ELL: variants seen among roughly 807,000 people sequenced by gnomAD.
ELL encodes RNA polymerase II elongation factor ELL.
In ELL, 18 loss-of-function variants were observed where a neutral mutation model predicts 64.0. The observed-to-expected ratio is 0.28, with a 90% CI of 0.19 to 0.42. The LOEUF is 0.42. Ranked by LOEUF, ELL falls within the 10% of genes least tolerant of loss-of-function variation. The probability of loss-of-function intolerance (pLI) is 1.00; values close to 1 mark genes in which losing one functional copy is unlikely to be tolerated. For synonymous variants in ELL, 399 were observed against 376.2 expected (o/e 1.06, Z -0.70); for missense variants, 797 against 870.4 (o/e 0.92, Z 1.06).
intron 8 of ELL, chr19:18,448,401 T>C (rs1974459561): frequency 6.6e-6 from 1 of 152,130 alleles, no homozygotes; most frequent in South Asian, 2.1e-4. Flanking sequence ...CCCCACAAAG[T>C]TTCTAACACT....
chr19:18,521,833 C>T, intron 1 of ELL, 88 bp downstream of exon 1: 1 of 1,483,862 alleles, frequency 6.7e-7, no homozygotes, highest in Non-Finnish European at 9.0e-7. Context: ...CCTAGCGTCT[C>T]CGAGCCCGGA....
In ELL at chr19:18,457,370, CTG is replaced by C. The variant is rs1443368327; in HGVS notation, c.869+833_869+834del. On this transcript the variant is annotated intron_variant, in intron 6 of 11. Coordinates refer to ENST00000262809, the MANE Select transcript of ELL (RefSeq NM_006532.4). ...GATGGGGGCGGGTCTTCTGCCAAGA[CTG>C]TGCCCTCCGCCAGCCTGCCGCCAAG... Among the ~76,000 whole-genome samples the C allele has an allele frequency of 5.3e-5, 8 of 152,312 alleles. No homozygotes were observed. The South Asian group carries it at 1.0e-3, about 20-fold the overall frequency.
At chr19:18,471,267 T>G in intron 2 of ELL, 1 of 367,372 alleles carries the variant, frequency 2.7e-6, no homozygotes, top group Non-Finnish European at 5.4e-6. Flanking sequence ...CCCAACTACT[T>G]GAGAAGCTGA....
chr19:18,459,073 T>A (rs1230405316), intron 5 of ELL, among the ~76,000 whole-genome samples: 5 of 152,000 alleles, frequency 3.3e-5, no homozygotes, highest in Non-Finnish European at 7.4e-5. Flanking sequence ...ATAGATAGGA[T>A]CTCAGTATTT....
In ELL at chr19:18,473,494, C is replaced by A. The variant is rs150775498; in HGVS notation, c.136-612G>T. On this transcript the variant is annotated intron_variant, in intron 1 of 11. Coordinates refer to ENST00000262809, the MANE Select transcript of ELL (RefSeq NM_006532.4). ...TGGAGCCTGGGGTGGGAGCCTGAGG[C>A]CTGCACAGCTCCACCACACGGCCTT... Among the ~76,000 whole-genome samples the A allele has an allele frequency of 6.7e-3, 1,022 of 152,324 alleles. 1 individual carries two copies. The highest frequency in any genetic ancestry group is 0.011 in the Non-Finnish European group (737 of 68,034).
intron 6 of ELL, among the ~76,000 whole-genome samples, chr19:18,452,435 T>C (rs2144897025): frequency 6.6e-6 from 1 of 152,312 alleles, no homozygotes; most frequent in South Asian, 2.1e-4. Context: ...CATGTGGACA[T>C]AAACAGAACT....
chr19:18,506,876 C>T (rs557017922), intron 1 of ELL, among the ~76,000 whole-genome samples: 6 of 152,174 alleles, frequency 3.9e-5, no homozygotes, highest in East Asian at 1.9e-4. Context: ...ATTGATCCTA[C>T]GCTCTACGCC....
Position 18,450,533 on chromosome 19 carries a change from A to G in ELL, c.1409T>C (p.Leu470Pro). ...RAAEDKPRAQLPDCAPATHAT... is the reference protein window; with the variant it reads ...RAAEDKPRAQPPDCAPATHAT... ...ATGGGTGGCAGGTGCACAGTCTGGA[A>G]GCTGGGCCCGGGGCTTGTCCTCAGC... The change falls in exon 8 of 12, where the codon CTT becomes CCT. Residue 470 changes from leucine to proline, a missense_variant. Leu to Pro is a moderately conservative substitution (Grantham distance 98). Transcript: ENST00000262809. 2 of 1,613,262 alleles carry G rather than the reference A, an allele frequency of 1.2e-6. No individual in the cohort carries two copies. Among genetic ancestry groups the G allele is most frequent in the Non-Finnish European group, 1.7e-6 (2 of 1,179,922 alleles).
In ELL at chr19:18,488,531, C is replaced by T. The variant is rs7251065; in HGVS notation, c.136-15649G>A. On this transcript the variant is annotated intron_variant, in intron 1 of 11. Transcript: ENST00000262809. ...CAGGATCCAGGGCTCTAGGGAGGGGCTGCATGCTCCCAGCATCCACGGGGC... is the reference window on the plus strand; with the variant it reads ...CAGGATCCAGGGCTCTAGGGAGGGGTTGCATGCTCCCAGCATCCACGGGGC... 3.4e-3 allele frequency among the ~76,000 whole-genome samples: 515 copies of T among 152,330 alleles called. 3 individuals are homozygous for T. Among genetic ancestry groups the T allele is most frequent in the African/African-American group, 0.01 (417 of 41,578 alleles).
intron 5 of ELL, among the ~76,000 whole-genome samples, chr19:18,460,500 C>T (rs1974782888): frequency 6.6e-6 from 1 of 152,192 alleles, no homozygotes; most frequent in Non-Finnish European, 1.5e-5. Context: ...CTGATGACTC[C>T]ATCGAGCTCC....
At chr19:18,473,198 GCCA>G (rs1464023135) in intron 1 of ELL, 1 of 622,500 alleles carries the variant, frequency 1.6e-6, no homozygotes, top group Non-Finnish European at 3.0e-6. Flanking sequence ...TCCTTGGAAA[GCCA>G]CCACCAGCCT....
At chr19:18,511,889 A>G (rs6512271) in intron 1 of ELL, among the ~76,000 whole-genome samples, 48,272 of 150,600 alleles carry the variant, frequency 0.32, 9,597 homozygotes, top group African/African-American at 0.57. Flanking sequence ...GGGCACAGTG[A>G]CTCACGCCTG....
intron 6 of ELL, among the ~76,000 whole-genome samples, chr19:18,452,985 A>C (rs1316602219): frequency 6.6e-6 from 1 of 152,232 alleles, no homozygotes. Flanking sequence ...AAAATAAATC[A>C]ACAGGCCGGG....
intron 7 of ELL, 122 bp downstream of exon 7, chr19:18,451,430 C>A (rs555126487): frequency 1.1e-6 from 1 of 932,056 alleles, no homozygotes; most frequent in Non-Finnish European, 1.5e-6. Flanking sequence ...CGGAGGGAGG[C>A]GGCTCAACTT....
In ELL at chr19:18,443,784, C is replaced by T. The variant is rs1386615817; in HGVS notation, c.*968G>A. 8.6e-6 allele frequency: 2 copies of T among 233,052 alleles called. No homozygotes were observed. Among genetic ancestry groups the T allele is most frequent in the East Asian group, 6.0e-5 (1 of 16,552 alleles). 14.4% of individuals were successfully genotyped at this position (233,052 alleles called of 1,614,324 possible). On this transcript the variant is annotated 3_prime_UTR_variant, in exon 12 of 12. Coordinates refer to ENST00000262809, the MANE Select transcript of ELL (RefSeq NM_006532.4). ...CCATGGCGCCCAGCCCTCCATCAGC[C>T]CCTCCCTGAGTGCAAACCTTGGCGG...
In ELL at chr19:18,512,991, G is replaced by A. The variant is rs991465174; in HGVS notation, c.135+8930C>T. ...CATCTCATGAAGAGCTGAGGCCCCCGATGGGCCTGGGGGAAGGACAGGGGT... is the reference window on the plus strand; with the variant it reads ...CATCTCATGAAGAGCTGAGGCCCCCAATGGGCCTGGGGGAAGGACAGGGGT... On this transcript the variant is annotated intron_variant, in intron 1 of 11. Transcript: ENST00000262809. 7.2e-5 allele frequency among the ~76,000 whole-genome samples: 11 copies of A among 152,304 alleles called. No homozygotes were observed. In the South Asian group the frequency reaches 1.5e-3, roughly 20 times the overall value.
chr19:18,503,620 C>T lies in ELL; in HGVS notation c.135+18301G>A, dbSNP rs10445637. ...AGAGCTCAGGGTACGTGCAGAGCCACGGCTGCTGAGCACTCAGGGGCTGTG... is the reference window on the plus strand; with the variant it reads ...AGAGCTCAGGGTACGTGCAGAGCCATGGCTGCTGAGCACTCAGGGGCTGTG... On this transcript the variant is annotated intron_variant, in intron 1 of 11. Coordinates refer to ENST00000262809, the MANE Select transcript of ELL (RefSeq NM_006532.4). Among the ~76,000 whole-genome samples the T allele has an allele frequency of 2.7e-3, 413 of 152,288 alleles. 1 individual carries two copies. The highest frequency in any genetic ancestry group is 0.014 in the Middle Eastern group (4 of 294).
intron 1 of ELL, among the ~76,000 whole-genome samples, chr19:18,520,597 GGAAAC>G (rs1434228563): frequency 1.3e-5 from 2 of 152,024 alleles, no homozygotes; most frequent in East Asian, 3.9e-4. Flanking sequence ...GGAGAGTGGT[GGAAAC>G]GAAACAGGGG....
At chr19:18,445,160 C>T in intron 11 of ELL, 64 bp downstream of exon 11, 1 of 1,598,472 alleles carries the variant, frequency 6.3e-7, no homozygotes, top group South Asian at 1.1e-5. Context: ...TGCCCCGGGC[C>T]CACCCTCCTC....
Sources: gnomAD v4.1 joint callset for allele counts (sites outside exome capture counted in the v4.1 genomes callset) on GRCh38, gnomAD v4.1.1 for gene constraint, MANE v1.5 for transcripts, NCBI Gene and HGNC (gene_info 2026-07-23, HGNC 2026-07-21) for gene names.